The following DOCK5 variants were observed in gnomAD, a reference collection of about 807,000 sequenced individuals.
DOCK5 encodes the protein dedicator of cytokinesis protein 5.
A neutral mutation model predicts 251.8 loss-of-function variants in DOCK5; 142 were observed. That is an observed-to-expected ratio of 0.56 (90% CI 0.49 to 0.65). DOCK5 has a LOEUF of 0.65. Ranked by LOEUF, DOCK5 falls within the 30% of genes least tolerant of loss-of-function variation. The pLI, the probability that DOCK5 is intolerant of heterozygous loss-of-function variation, is 0.00. For synonymous variants in DOCK5, 842 were observed against 835.5 expected, an observed-to-expected ratio of 1.01 and a Z score of -0.13; for missense variants, 2,111 against 2,312.3, an observed-to-expected ratio of 0.91 and a Z score of 1.79.
chr8:25,352,768 A>G (rs971351007), intron 27 of DOCK5, among the ~76,000 whole-genome samples: 1 of 152,198 alleles, frequency 6.6e-6, no homozygotes, highest in Non-Finnish European at 1.5e-5. Flanking sequence ...CATTCCAACA[A>G]TAATGACAGC....
intron 1 of DOCK5, among the ~76,000 whole-genome samples, chr8:25,192,169 C>T (rs193182869): frequency 1.0e-3 from 153 of 149,224 alleles, no homozygotes; most frequent in African/African-American, 3.7e-3. Flanking sequence ...TCCAGTCTAT[C>T]ACTGATGGAC....
intron 1 of DOCK5, among the ~76,000 whole-genome samples, chr8:25,230,557 A>G (rs1802643301): frequency 6.6e-6 from 1 of 152,158 alleles, no homozygotes; most frequent in South Asian, 2.1e-4. Flanking sequence ...TGCATGAAGA[A>G]TATTTATACC....
chr8:25,251,178 C>T (rs1438819998), intron 2 of DOCK5, among the ~76,000 whole-genome samples: 2 of 152,100 alleles, frequency 1.3e-5, no homozygotes, highest in East Asian at 1.9e-4. Flanking sequence ...CACAAGCTCA[C>T]GAGAAAGGGC....
chr8:25,234,445 G>A lies in DOCK5; in HGVS notation c.44-9229G>A, dbSNP rs1802743635. ...CTTTGGAAAAGATGTTCTGGGCTGG[G>A]TAGTGAGCTGTTTTCCTTCATTATT... On this transcript the variant is annotated intron_variant, in intron 1 of 51. Transcript: ENST00000276440. Among the ~76,000 whole-genome samples the A allele has an allele frequency of 3.3e-5, 5 of 152,306 alleles. No homozygotes were observed. The South Asian group carries it at 1.0e-3, about 32-fold the overall frequency.
At chr8:25,373,478 T>G in intron 35 of DOCK5, 140 bp from the exon 36 acceptor site, 1 of 784,352 alleles carries the variant, frequency 1.3e-6, no homozygotes, top group African/African-American at 1.8e-5. Context: ...CCTTTTCTTA[T>G]GGGGATATTT....
rs1586265315 is a variant in DOCK5, at chr8:25,250,897, T to C, written c.127+7140T>C. ...AGATTGACTGTCCCTGGGCAAGATA[T>C]TGCAGCTGTCTTTGTGACAAGGACA... On this transcript the variant is annotated intron_variant, in intron 2 of 51. Coordinates refer to ENST00000276440, the MANE Select transcript of DOCK5 (RefSeq NM_024940.8). 3.9e-5 allele frequency among the ~76,000 whole-genome samples: 6 copies of C among 152,184 alleles called. No homozygotes were observed. In the East Asian group the frequency reaches 1.2e-3, roughly 29 times the overall value.
chr8:25,404,503 A>G (rs1801491923), intron 48 of DOCK5, among the ~76,000 whole-genome samples: 2 of 152,182 alleles, frequency 1.3e-5, no homozygotes, highest in Non-Finnish European at 2.9e-5. Flanking sequence ...CAAATCTGAA[A>G]TGTTCCAGTA....
chr8:25,340,846 G>C (rs749633898), intron 22 of DOCK5, 31 bp from the exon 23 acceptor site: 2 of 1,581,864 alleles, frequency 1.3e-6, no homozygotes, highest in Admixed American at 1.7e-5. Context: ...ACAATGGAAA[G>C]TCCAACTGCT....
intron 25 of DOCK5, among the ~76,000 whole-genome samples, chr8:25,344,933 A>G (rs1800330292): frequency 6.6e-6 from 1 of 152,232 alleles, no homozygotes; most frequent in South Asian, 2.1e-4. Context: ...GTGTTACAAT[A>G]GCAAAGATCT....
Position 25,317,144 on chromosome 8 carries a change from GC to G in DOCK5, c.1443+16del, listed in dbSNP as rs113756757. On this transcript the variant is annotated intron_variant, in intron 14 of 51. Coordinates refer to ENST00000276440, the MANE Select transcript of DOCK5 (RefSeq NM_024940.8). ...CAAGCTCTTGGAGGTGCGCGGCATG[GC>G]CCAGAAATCCTGCTACCATCGCATC... The G allele has an allele frequency of 4.4e-3, 7,093 of 1,610,574 alleles. 182 individuals are homozygous for G. The highest frequency in any genetic ancestry group is 0.04 in the South Asian group (3,663 of 90,844).
At chr8:25,199,876 A>T (rs1024857618) in intron 1 of DOCK5, among the ~76,000 whole-genome samples, 1 of 152,234 alleles carries the variant, frequency 6.6e-6, no homozygotes, top group Admixed American at 6.5e-5. Context: ...TTCCTTCAGA[A>T]CAAAAGTAAA....
At chr8:25,258,321 C>T (rs745971053) in intron 2 of DOCK5, among the ~76,000 whole-genome samples, 1 of 151,970 alleles carries the variant, frequency 6.6e-6, no homozygotes, top group African/African-American at 2.4e-5. Context: ...CAGAATAAAC[C>T]TTCTTGGCAT....
rs141268632 is a variant in DOCK5 at position 25,408,009 on chromosome 8, G to A, written c.5120G>A (p.Arg1707His). 54 of 1,612,542 alleles carry A rather than the reference G, an allele frequency of 3.3e-5. No homozygotes were observed. Among genetic ancestry groups the A allele is most frequent in the African/African-American group, 2.3e-4 (17 of 74,952 alleles). Residue 1707 changes from arginine (R) to histidine (H), a missense_variant, in exon 49 of 52, where the codon CGC becomes CAC. Coordinates refer to ENST00000276440, the MANE Select transcript of DOCK5 (RefSeq NM_024940.8). ...DGSILEPLLE[R>H]RASSGARVED... is the part of the protein sequence containing the mutation. Reference sequence around the variant, plus strand: ...TCAATCTTGGAGCCACTTTTGGAGCGCAGGGCCTCGTCAGGTGCCAGAGTT... The same window carrying A: ...TCAATCTTGGAGCCACTTTTGGAGCACAGGGCCTCGTCAGGTGCCAGAGTT...
intron 2 of DOCK5, among the ~76,000 whole-genome samples, chr8:25,249,104 T>C (rs1803199003): frequency 6.6e-6 from 1 of 152,170 alleles, no homozygotes. Flanking sequence ...ACTCAACGGA[T>C]GCTCCTGCTT....
rs746778568 is a variant in DOCK5 at position 25,292,184 on chromosome 8, A to G, written c.470+12A>G. The G allele has an allele frequency of 1.9e-6, 3 of 1,553,492 alleles. No individual in the cohort carries two copies. The highest frequency in any genetic ancestry group is 3.9e-5 in the Admixed American group (2 of 50,888). On this transcript the variant is annotated intron_variant, in intron 6 of 51. Transcript: ENST00000276440. ...GATCATGGGAACAGGTAGGTAAACC[A>G]GGGATGGCTTTTCACTGAAAACTTG...
chr8:25,319,722 T>A (rs1217735295), intron 15 of DOCK5, 46 bp downstream of exon 15: 1 of 1,380,920 alleles, frequency 7.2e-7, no homozygotes, highest in Non-Finnish European at 1.0e-6. Flanking sequence ...TAAACCTCAG[T>A]TAGATTCCTA....
At chr8:25,328,039 T>C (rs1805603603) in intron 18 of DOCK5, among the ~76,000 whole-genome samples, 1 of 152,188 alleles carries the variant, frequency 6.6e-6, no homozygotes, top group East Asian at 1.9e-4. Context: ...TAAAATTAAA[T>C]TATAAATCAG....
intron 1 of DOCK5, among the ~76,000 whole-genome samples, chr8:25,200,884 A>C (rs1208008603): frequency 6.9e-6 from 1 of 144,796 alleles, no homozygotes; most frequent in Non-Finnish European, 1.5e-5. Context: ...TTGGTTGTTT[A>C]AGGATCTAAA....
At chr8:25,402,499 T>C (rs2117337806) in intron 47 of DOCK5, among the ~76,000 whole-genome samples, 1 of 152,286 alleles carries the variant, frequency 6.6e-6, no homozygotes, top group Non-Finnish European at 1.5e-5. Context: ...GGTTTCACCA[T>C]GTTAGCCGGA....
Sources: allele counts gnomAD v4.1 joint callset (sites outside exome capture counted in the v4.1 genomes callset), GRCh38; gene constraint gnomAD v4.1.1; transcripts MANE v1.5; gene names NCBI Gene and HGNC (gene_info 2026-07-23, HGNC 2026-07-21).